PHKB: variants seen among roughly 807,000 people sequenced by gnomAD.
PHKB encodes the protein phosphorylase kinase regulatory subunit beta, also known as phosphorylase b kinase regulatory subunit beta.
In PHKB, 122 loss-of-function variants were observed where a neutral mutation model predicts 152.1. That is an observed-to-expected ratio of 0.80 (90% CI 0.69 to 0.93). The LOEUF is 0.93. PHKB is among the 40% of genes least tolerant of loss of function. The pLI, the probability that PHKB is intolerant of heterozygous loss-of-function variation, is 0.00. For missense variants in PHKB, 1,304 were observed against 1,328.4 expected (o/e 0.98, Z 0.29); for synonymous variants, 436 against 464.9 (o/e 0.94, Z 0.80).
chr16:47,682,310 G>A lies in PHKB; in HGVS notation c.2631-6731G>A, dbSNP rs141090242. Reference sequence around the variant, plus strand: ...TTCCTGGATCTGAATATTGGTCTGCGTTGCTAGATTGGGGAAGTATTGTCC... The same window carrying A: ...TTCCTGGATCTGAATATTGGTCTGCATTGCTAGATTGGGGAAGTATTGTCC... On this transcript the variant is annotated intron_variant, in intron 26 of 30. Coordinates refer to ENST00000323584, the MANE Select transcript of PHKB (RefSeq NM_000293.3). 3.8e-4 allele frequency among the ~76,000 whole-genome samples: 58 copies of A among 152,188 alleles called. No homozygotes were observed. The East Asian group carries it at 6.4e-3, about 17-fold the overall frequency.
At chr16:47,628,536 A>G (rs888062157) in intron 14 of PHKB, among the ~76,000 whole-genome samples, 1 of 152,200 alleles carries the variant, frequency 6.6e-6, no homozygotes, top group African/African-American at 2.4e-5. Context: ...TGTCTCAAAA[A>G]AATAAATAAA....
chr16:47,518,838 AG>A (rs1015841018), intron 6 of PHKB, among the ~76,000 whole-genome samples: 2 of 152,102 alleles, frequency 1.3e-5, no homozygotes, highest in Admixed American at 6.6e-5. Context: ...CATCTGTTGG[AG>A]GGGGGCAAAG....
chr16:47,628,231 A>G (rs1972746434), intron 14 of PHKB, among the ~76,000 whole-genome samples: 1 of 152,204 alleles, frequency 6.6e-6, no homozygotes, highest in African/African-American at 2.4e-5. Context: ...AATATAGGGC[A>G]TATTAAAAAT....
At chr16:47,527,124 G>A (rs1031885009) in intron 6 of PHKB, among the ~76,000 whole-genome samples, 2 of 152,198 alleles carry the variant, frequency 1.3e-5, no homozygotes, top group East Asian at 1.9e-4. Context: ...TGAGTTACTC[G>A]CCTCTAACCA....
intron 14 of PHKB, among the ~76,000 whole-genome samples, chr16:47,629,911 A>T (rs1972791820): frequency 6.6e-6 from 1 of 152,006 alleles, no homozygotes; most frequent in Middle Eastern, 3.2e-3. Context: ...ATTCTCAGTA[A>T]ACTATCGCAA....
In PHKB at chr16:47,461,401, G is replaced by T. The variant is rs1329038539; in HGVS notation, c.51G>T (p.Glu17Asp). 1.9e-6 allele frequency: 3 copies of T among 1,613,278 alleles called. No homozygotes were observed. The highest frequency in any genetic ancestry group is 2.5e-6 in the Non-Finnish European group (3 of 1,179,810). ...LTAEVSWKVL[E>D]RRARTKRSGS... ...CAGAAGTGAGCTGGAAGGTCTTGGA[G>T]CGAAGAGCTCGGACCAAGCGCTCAG... is the stretch of plus-strand genomic sequence containing the variant. Residue 17 changes from glutamate to aspartate, a missense_variant, in exon 1 of 31, where the codon GAG (glutamate) becomes GAT (aspartate). Coordinates refer to ENST00000323584, the MANE Select transcript of PHKB (RefSeq NM_000293.3).
chr16:47,625,004 C>A (rs1226906072), intron 14 of PHKB, among the ~76,000 whole-genome samples: 2 of 152,206 alleles, frequency 1.3e-5, no homozygotes, highest in African/African-American at 2.4e-5. Context: ...TAGAATTAAT[C>A]TTTGATTCCT....
rs1420464378 is a variant in PHKB at position 47,639,324 on chromosome 16, G to GA, written c.1459-1707dup. Among the ~76,000 whole-genome samples the GA allele has an allele frequency of 4.6e-5, 7 of 152,302 alleles. No homozygotes were observed. In the South Asian group the frequency reaches 1.5e-3, roughly 32 times the overall value. ...AACAAATCAATGGTGGTGGTTTGAA[G>GA]AAAATGGTAAAAACAGAACAGATAG... is the stretch of plus-strand genomic sequence containing the variant. On this transcript the variant is annotated intron_variant, in intron 14 of 30. Transcript: ENST00000323584.
chr16:47,676,847 A>G (rs1973740960), intron 26 of PHKB, among the ~76,000 whole-genome samples: 1 of 152,172 alleles, frequency 6.6e-6, no homozygotes, highest in Non-Finnish European at 1.5e-5. Context: ...AAGACCTCCA[A>G]TCAACTACTT....
intron 16 of PHKB, among the ~76,000 whole-genome samples, chr16:47,648,291 G>A (rs547473520): frequency 7.2e-5 from 11 of 152,220 alleles, no homozygotes; most frequent in African/African-American, 2.6e-4. Context: ...AGCAGTATAG[G>A]AACAATATCA....
intron 28 of PHKB, among the ~76,000 whole-genome samples, chr16:47,694,142 C>T (rs1338007325): frequency 6.6e-6 from 1 of 152,216 alleles, no homozygotes; most frequent in African/African-American, 2.4e-5. Flanking sequence ...TCACTTACTT[C>T]ACTCCAGGTG....
rs146740621 is a variant in PHKB, at chr16:47,540,452, G to A, written c.595-6981G>A. 2.0e-5 allele frequency among the ~76,000 whole-genome samples: 3 copies of A among 151,952 alleles called. No homozygotes were observed. The East Asian group carries it at 5.8e-4, about 29-fold the overall frequency. On this transcript the variant is annotated intron_variant, in intron 6 of 30. Coordinates refer to ENST00000323584, the MANE Select transcript of PHKB (RefSeq NM_000293.3). ...TTTGCCCTTTGAAGCATGTGATCTT[G>A]TGACCTACTCCCTGTTCTTGCACCA...
At chr16:47,551,090 A>G (rs1971262442) in intron 7 of PHKB, among the ~76,000 whole-genome samples, 1 of 151,946 alleles carries the variant, frequency 6.6e-6, no homozygotes, top group South Asian at 2.1e-4. Context: ...TATTGTGTCT[A>G]TTTGATTCTT....
intron 16 of PHKB, among the ~76,000 whole-genome samples, chr16:47,647,328 C>T (rs985480914): frequency 1.2e-4 from 18 of 151,812 alleles, no homozygotes; most frequent in Admixed American, 6.6e-4. Context: ...TTCACCATGT[C>T]GGCCAGGCTG....
chr16:47,528,465 G>T (rs146400422), intron 6 of PHKB, among the ~76,000 whole-genome samples: 261 of 152,158 alleles, frequency 1.7e-3, no homozygotes, highest in African/African-American at 6.0e-3. Flanking sequence ...AATAGGAAAA[G>T]CTCCTCAATA....
intron 1 of PHKB, among the ~76,000 whole-genome samples, chr16:47,478,563 C>T (rs1969910302): frequency 6.7e-6 from 1 of 148,764 alleles, no homozygotes; most frequent in Non-Finnish European, 1.5e-5. Flanking sequence ...CCAGTGTGAC[C>T]TTGGTTAAGT....
intron 6 of PHKB, among the ~76,000 whole-genome samples, chr16:47,516,525 C>G (rs1265309478): frequency 2.0e-5 from 3 of 152,132 alleles, no homozygotes; most frequent in Non-Finnish European, 4.4e-5. Flanking sequence ...TTGGTACATG[C>G]AGTGAGAACT....
At chr16:47,570,401 C>T (rs1240623083) in intron 7 of PHKB, among the ~76,000 whole-genome samples, 1 of 152,082 alleles carries the variant, frequency 6.6e-6, no homozygotes, top group Non-Finnish European at 1.5e-5. Context: ...TTTTCTTCTC[C>T]CTGAGGAACA....
intron 6 of PHKB, among the ~76,000 whole-genome samples, chr16:47,522,322 T>G (rs1446946135): frequency 6.6e-6 from 1 of 152,120 alleles, no homozygotes; most frequent in Non-Finnish European, 1.5e-5. Context: ...ATCTAATTTG[T>G]TGGCACATAT....
Sources: allele counts gnomAD v4.1 joint callset (sites outside exome capture counted in the v4.1 genomes callset), GRCh38; gene constraint gnomAD v4.1.1; transcripts MANE v1.5; gene names NCBI Gene and HGNC (gene_info 2026-07-23, HGNC 2026-07-21).